The following MEGF11 variants were observed in gnomAD, a reference collection of about 807,000 sequenced individuals.
The protein encoded by MEGF11 is multiple EGF like domains 11.
Under a neutral mutation model 146.6 loss-of-function variants are expected in MEGF11, and 126 were observed. The ratio of observed to expected loss-of-function variants is 0.86; its 90% CI spans 0.74 to 1.00. MEGF11 has a LOEUF of 1.00. Ranked by LOEUF, MEGF11 falls within the 50% of genes least tolerant of loss-of-function variation. MEGF11 has a pLI of 0.00. For synonymous variants in MEGF11, 532 were observed against 583.4 expected (o/e 0.91, Z 1.27); for missense variants, 1,509 against 1,521.2 (o/e 0.99, Z 0.13).
intron 24 of MEGF11, among the ~76,000 whole-genome samples, chr15:65,903,662 G>A (rs573759718): frequency 7.9e-5 from 12 of 152,334 alleles, no homozygotes; most frequent in Admixed American, 7.8e-4. Context: ...TGAGTTCAGA[G>A]AACACTGAGA....
chr15:66,134,252 T>C (rs1464280079), intron 1 of MEGF11, among the ~76,000 whole-genome samples: 1 of 152,144 alleles, frequency 6.6e-6, no homozygotes, highest in East Asian at 1.9e-4. Context: ...CTCTGAATTC[T>C]GGGCCCTCAA....
intron 10 of MEGF11, among the ~76,000 whole-genome samples, chr15:65,935,159 A>G (rs2079724972): frequency 6.6e-6 from 1 of 151,818 alleles, no homozygotes; most frequent in Non-Finnish European, 1.5e-5. Context: ...TCTCTACTAA[A>G]ATACAAAAAA....
Position 65,964,917 on chromosome 15 carries a change from T to G in MEGF11, c.1103A>C (p.Asn368Thr), listed in dbSNP as rs748717006. Reference protein sequence around the residue: ...CTLPCPCDADNTISCHPVTGA... With the variant: ...CTLPCPCDADTTISCHPVTGA... ...CATTCCCAGCTCATACCTGATGGTG[T>G]TGTCAGCGTCACAGGGGCAGGGCAG... The change falls in exon 9 of 26, where the codon AAC (asparagine) becomes ACC (threonine). Residue 368 changes from asparagine to threonine, a missense_variant. By Grantham distance (65) the Asn-to-Thr change is moderately conservative. Coordinates refer to ENST00000395614, the MANE Select transcript of MEGF11 (RefSeq NM_001385028.1). The G allele has an allele frequency of 4.5e-6, 7 of 1,563,724 alleles. No homozygotes were observed. In the African/African-American group the frequency reaches 6.8e-5, roughly 15 times the overall value.
intron 23 of MEGF11, chr15:65,906,620 A>C (rs2078636380): frequency 6.5e-6 from 1 of 154,604 alleles, no homozygotes. Context: ...GACAGTATTT[A>C]TCACCTCTCA....
chr15:65,993,520 C>T (rs539933137), intron 5 of MEGF11, among the ~76,000 whole-genome samples: 22 of 152,304 alleles, frequency 1.4e-4, no homozygotes, highest in African/African-American at 5.1e-4. Context: ...AAGGAATTAC[C>T]TCTTTGGAAG....
intron 5 of MEGF11, among the ~76,000 whole-genome samples, chr15:66,091,841 G>A (rs1035080107): frequency 6.6e-6 from 1 of 152,186 alleles, no homozygotes; most frequent in African/African-American, 2.4e-5. Flanking sequence ...AGATGGGAAA[G>A]GTAGTCCCGA....
chr15:66,126,234 C>G (rs1303436300), intron 2 of MEGF11, among the ~76,000 whole-genome samples: 1 of 152,192 alleles, frequency 6.6e-6, no homozygotes, highest in Admixed American at 6.5e-5. Context: ...ACAACACAGG[C>G]TAGATCCCTC....
chr15:66,147,068 C>T (rs1394872173), intron 1 of MEGF11, among the ~76,000 whole-genome samples: 1 of 152,122 alleles, frequency 6.6e-6, no homozygotes, highest in African/African-American at 2.4e-5. Context: ...CCGCTAGGTC[C>T]CTGGATTGTC....
intron 5 of MEGF11, among the ~76,000 whole-genome samples, chr15:66,030,080 C>T (rs939172688): frequency 6.6e-6 from 1 of 152,244 alleles, no homozygotes; most frequent in African/African-American, 2.4e-5. Flanking sequence ...GAATTCTCAG[C>T]AATCTTGCTT....
chr15:65,969,352 C>A (rs929116776), intron 8 of MEGF11, among the ~76,000 whole-genome samples: 4 of 152,072 alleles, frequency 2.6e-5, no homozygotes, highest in African/African-American at 4.8e-5. Context: ...CTGAGCATTT[C>A]CTTATTTGGG....
At chr15:65,940,110 G>T (rs2079932874) in intron 10 of MEGF11, among the ~76,000 whole-genome samples, 1 of 152,148 alleles carries the variant, frequency 6.6e-6, no homozygotes, top group Admixed American at 6.5e-5. Context: ...ATAAAATGAG[G>T]CTGTGGCATG....
At chr15:65,929,954 G>C (rs2079515552) in intron 11 of MEGF11, 71 bp from the exon 12 acceptor site, 1 of 1,431,454 alleles carries the variant, frequency 7.0e-7, no homozygotes. Context: ...ACTCCCCCCA[G>C]CTCTGCACAC....
chr15:66,108,540 T>C (rs1213985502), intron 4 of MEGF11, among the ~76,000 whole-genome samples: 2 of 152,188 alleles, frequency 1.3e-5, no homozygotes, highest in Non-Finnish European at 2.9e-5. Context: ...GAGGCCGCCA[T>C]TGCAGACGGG....
intron 1 of MEGF11, among the ~76,000 whole-genome samples, chr15:66,161,438 T>A (rs1320115997): frequency 1.3e-5 from 2 of 152,050 alleles, no homozygotes; most frequent in Non-Finnish European, 2.9e-5. Context: ...CAGGCTGGAG[T>A]GCAGTGGTGT....
At chr15:66,189,785 G>C (rs931189913) in intron 1 of MEGF11, among the ~76,000 whole-genome samples, 1 of 152,100 alleles carries the variant, frequency 6.6e-6, no homozygotes, top group African/African-American at 2.4e-5. Flanking sequence ...CTTAGTAGTT[G>C]CTCAAATAAT....
intron 5 of MEGF11, among the ~76,000 whole-genome samples, chr15:65,991,439 C>T (rs776795111): frequency 5.9e-5 from 9 of 152,204 alleles, no homozygotes; most frequent in Non-Finnish European, 1.3e-4. Context: ...ATAACTAAAT[C>T]AGGGCTTCTC....
chr15:66,162,266 C>T (rs912166283), intron 1 of MEGF11, among the ~76,000 whole-genome samples: 2 of 152,118 alleles, frequency 1.3e-5, no homozygotes, highest in Admixed American at 6.6e-5. Flanking sequence ...CAGTGATGGT[C>T]GTGAAACAAC....
At chr15:65,983,501 C>G (rs183134307) in intron 5 of MEGF11, among the ~76,000 whole-genome samples, 1 of 152,190 alleles carries the variant, frequency 6.6e-6, no homozygotes, top group African/African-American at 2.4e-5. Context: ...CAGGCATGGA[C>G]AGGCACACAT....
intron 1 of MEGF11, among the ~76,000 whole-genome samples, chr15:66,240,136 A>G (rs1301410182): frequency 6.6e-6 from 1 of 152,188 alleles, no homozygotes. Context: ...ACTTCGCTCA[A>G]GCTCTGTTTT....
Sources: gnomAD v4.1 joint callset for allele counts (sites outside exome capture counted in the v4.1 genomes callset) on GRCh38, gnomAD v4.1.1 for gene constraint, MANE v1.5 for transcripts, NCBI Gene and HGNC (gene_info 2026-07-23, HGNC 2026-07-21) for gene names.